VRK2: variants seen among roughly 807,000 people sequenced by gnomAD.
VRK2 encodes the protein VRK serine/threonine kinase 2, also known as serine/threonine-protein kinase VRK2.
A neutral mutation model predicts 57.6 loss-of-function variants in VRK2; 60 were observed. The observed-to-expected ratio is 1.04, with a 90% CI of 0.85 to 1.29. The LOEUF is 1.29. VRK2 is among the 50% of genes most tolerant of loss of function. The pLI is 0.00. For missense variants in VRK2, 705 were observed against 588.1 expected, an observed-to-expected ratio of 1.20 and a Z score of -2.06; for synonymous variants, 231 against 199.2, an observed-to-expected ratio of 1.16 and a Z score of -1.35.
intron 7 of VRK2, among the ~76,000 whole-genome samples, chr2:58,114,980 G>A (rs1262344538): frequency 1.3e-5 from 2 of 152,154 alleles, no homozygotes; most frequent in Non-Finnish European, 2.9e-5. Flanking sequence ...GATGTGTAGG[G>A]AAGGGAGGGG....
At chr2:57,958,515 A>G (rs756610947) in intron 1 of VRK2, among the ~76,000 whole-genome samples, 1 of 151,816 alleles carries the variant, frequency 6.6e-6, no homozygotes, top group Admixed American at 6.6e-5. Context: ...TATATATCAC[A>G]TATATATGAT....
intron 12 of VRK2, among the ~76,000 whole-genome samples, chr2:58,153,384 C>T (rs879571588): frequency 2.6e-5 from 4 of 151,962 alleles, no homozygotes; most frequent in Non-Finnish European, 5.9e-5. Flanking sequence ...TGAGGAAGCT[C>T]CCCTCCATTT....
chr2:57,989,902 T>G (rs1672710541), intron 1 of VRK2, among the ~76,000 whole-genome samples: 1 of 152,206 alleles, frequency 6.6e-6, no homozygotes, highest in African/African-American at 2.4e-5. Context: ...AATAGATCAT[T>G]CGATTTAGAA....
chr2:58,048,072 C>A (rs1035196954), intron 1 of VRK2, among the ~76,000 whole-genome samples: 1 of 152,028 alleles, frequency 6.6e-6, no homozygotes, highest in African/African-American at 2.4e-5. Flanking sequence ...TCAGAATTTC[C>A]CATTGAGAAA....
intron 1 of VRK2, among the ~76,000 whole-genome samples, chr2:57,978,103 T>G (rs1672305112): frequency 6.6e-6 from 1 of 151,200 alleles, no homozygotes; most frequent in Non-Finnish European, 1.5e-5. Flanking sequence ...TTTTTCTACT[T>G]TAAGAGTATT....
chr2:58,103,641 GATTA>G lies in VRK2; in HGVS notation c.543+13922_543+13925del, dbSNP rs1281056893. 4.0e-5 allele frequency among the ~76,000 whole-genome samples: 6 copies of G among 151,704 alleles called. No individual in the cohort carries two copies. The East Asian group carries it at 1.2e-3, about 29-fold the overall frequency. ...AACAAAAAAAGCCAGTAACCAAATG[GATTA>G]ATTGCCAAATTCTACCAAAAGTACA... On this transcript the variant is annotated intron_variant, in intron 7 of 12. Transcript: ENST00000340157.
At chr2:57,922,797 G>A (rs547515653) in intron 1 of VRK2, among the ~76,000 whole-genome samples, 3 of 151,736 alleles carry the variant, frequency 2.0e-5, no homozygotes, top group Admixed American at 6.6e-5. Flanking sequence ...AATTATTGTC[G>A]ATTATAGGTA....
At chr2:58,139,919 C>T (rs1681075063) in intron 11 of VRK2, 87 bp downstream of exon 11, 7 of 1,361,460 alleles carry the variant, frequency 5.1e-6, no homozygotes, top group Non-Finnish European at 6.9e-6. Context: ...CAAAATGAGT[C>T]TGACAGCTTT....
intron 11 of VRK2, among the ~76,000 whole-genome samples, chr2:58,142,647 A>C (rs2104625248): frequency 6.6e-6 from 1 of 151,964 alleles, no homozygotes; most frequent in East Asian, 1.9e-4. Flanking sequence ...TAATTTCCAA[A>C]ATTCACTGAA....
intron 1 of VRK2, among the ~76,000 whole-genome samples, chr2:58,021,375 C>T (rs1336759297): frequency 6.6e-6 from 1 of 151,942 alleles, no homozygotes; most frequent in African/African-American, 2.4e-5. Flanking sequence ...CCCTTCATAT[C>T]CAAAATAAAA....
chr2:58,138,224 T>C (rs1386515856), intron 10 of VRK2, among the ~76,000 whole-genome samples: 3 of 152,294 alleles, frequency 2.0e-5, no homozygotes, highest in East Asian at 3.9e-4. Context: ...TAGTAGTGAA[T>C]GTAATTTAAT....
intron 9 of VRK2, among the ~76,000 whole-genome samples, chr2:58,133,118 T>C (rs1033867806): frequency 6.6e-6 from 1 of 152,182 alleles, no homozygotes; most frequent in African/African-American, 2.4e-5. Context: ...CTAATGATTA[T>C]ATATTTGTTT....
chr2:58,146,112 T>C (rs1413844129), intron 11 of VRK2, among the ~76,000 whole-genome samples: 2 of 151,996 alleles, frequency 1.3e-5, no homozygotes, highest in Admixed American at 1.3e-4. Context: ...CTAATTTTAA[T>C]TGGTTTTGTC....
rs1176815262 is a variant in VRK2, at chr2:58,159,336, ATTTTT to A, written c.1183-11_1183-7del. 7 of 1,579,822 alleles carry A rather than the reference ATTTTT, an allele frequency of 4.4e-6. No homozygotes were observed. The highest frequency in any genetic ancestry group is 6.0e-6 in the Non-Finnish European group (7 of 1,165,900). ...GTCTAACAAACTAAACTATATATGT[ATTTTT>A]TCCATAGGAAAGCACAAGGAGAAGA... On this transcript the variant is annotated splice_polypyrimidine_tract_variant and splice_region_variant and intron_variant, in intron 12 of 12. Coordinates refer to ENST00000340157, the MANE Select transcript of VRK2 (RefSeq NM_006296.7).
chr2:57,965,183 C>A (rs1671877995), intron 1 of VRK2, among the ~76,000 whole-genome samples: 1 of 152,066 alleles, frequency 6.6e-6, no homozygotes, highest in Non-Finnish European at 1.5e-5. Flanking sequence ...ATGAAATAAA[C>A]AAACAAATAT....
chr2:58,070,313 T>C (rs1669203431), intron 2 of VRK2, among the ~76,000 whole-genome samples: 2 of 152,050 alleles, frequency 1.3e-5, no homozygotes. Context: ...ACCTCTCAAG[T>C]AGTTGGGGTT....
At chr2:58,016,916 C>A (rs991791659) in intron 1 of VRK2, among the ~76,000 whole-genome samples, 3 of 152,124 alleles carry the variant, frequency 2.0e-5, no homozygotes, top group African/African-American at 7.2e-5. Flanking sequence ...TTTCTGTTTG[C>A]TCAACTTTAC....
intron 1 of VRK2, among the ~76,000 whole-genome samples, chr2:57,957,278 T>A (rs1671615336): frequency 6.6e-6 from 1 of 152,174 alleles, no homozygotes; most frequent in South Asian, 2.1e-4. Context: ...AATTTTCTCT[T>A]GTAAAAAGAT....
chr2:58,020,747 T>C (rs1673729827), intron 1 of VRK2, among the ~76,000 whole-genome samples: 1 of 152,222 alleles, frequency 6.6e-6, no homozygotes, highest in Non-Finnish European at 1.5e-5. Context: ...TTTTTTAAAG[T>C]GCACATATTA....
Sources: gnomAD v4.1 joint callset for allele counts (sites outside exome capture counted in the v4.1 genomes callset) on GRCh38, gnomAD v4.1.1 for gene constraint, MANE v1.5 for transcripts, NCBI Gene and HGNC (gene_info 2026-07-23, HGNC 2026-07-21) for gene names.